The following IGSF10 variants were observed in gnomAD, a reference collection of about 807,000 sequenced individuals.
IGSF10 encodes the protein calvaria mechanical force protein 608.
In IGSF10, 126 loss-of-function variants were observed where a neutral mutation model predicts 128.2. The observed-to-expected ratio is 0.98, with a 90% CI of 0.85 to 1.14. IGSF10 has a LOEUF of 1.14. Among genes scored for constraint, IGSF10 ranks in the 50% most tolerant of loss-of-function variants. The pLI is 0.00. For synonymous variants in IGSF10, 1,185 were observed against 1,146.2 expected (o/e 1.03, Z -0.68); for missense variants, 3,295 against 3,149.8 (o/e 1.05, Z -1.10).
chr3:151,445,339 G>C lies in IGSF10; in HGVS notation c.4642C>G (p.His1548Asp), dbSNP rs747339132. 5.6e-6 allele frequency: 9 copies of C among 1,614,212 alleles called. No individual in the cohort carries two copies. The South Asian group carries it at 9.9e-5, about 18-fold the overall frequency. ...GTTAGTGCTGGCATGGGAGTAGAATGTAACAGATTAGAGTAGATGAAGTGA... is the reference window on the plus strand; with the variant it reads ...GTTAGTGCTGGCATGGGAGTAGAATCTAACAGATTAGAGTAGATGAAGTGA... ...TTHFIYSNLLHSTPMPALTTV... is the reference protein window; with the variant it reads ...TTHFIYSNLLDSTPMPALTTV... The change falls in exon 6 of 8, where the codon CAT (histidine) becomes GAT (aspartate). Residue 1548 changes from histidine to aspartate, a missense_variant. Transcript: ENST00000282466.
the IGSF10 span, among the ~76,000 whole-genome samples, chr3:151,544,590 C>A: frequency 6.6e-6 from 1 of 151,824 alleles, no homozygotes; most frequent in African/African-American, 2.4e-5. Context: ...ACCTACCCAC[C>A]CTGTTTTAGT....
the IGSF10 span, among the ~76,000 whole-genome samples, chr3:151,503,746 ACTCAG>A: frequency 6.6e-6 from 1 of 152,170 alleles, no homozygotes; most frequent in Non-Finnish European, 1.5e-5. Context: ...TTATTATTCA[ACTCAG>A]TCTCCTCAAA....
chr3:151,514,652 A>C, the IGSF10 span, among the ~76,000 whole-genome samples: 2 of 152,210 alleles, frequency 1.3e-5, no homozygotes, highest in Admixed American at 1.3e-4. Context: ...CTGCACAGCA[A>C]AAGAAACCAC....
chr3:151,442,106 T>A (rs1720892722), intron 7 of IGSF10, among the ~76,000 whole-genome samples: 1 of 152,138 alleles, frequency 6.6e-6, no homozygotes, highest in African/African-American at 2.4e-5. Flanking sequence ...AGAGAAAGTG[T>A]GTATTTGTAT....
chr3:151,566,979 A>G, the IGSF10 span, among the ~76,000 whole-genome samples: 1 of 152,194 alleles, frequency 6.6e-6, no homozygotes, highest in Admixed American at 6.5e-5. Context: ...TGATTGGACC[A>G]GGGACCAACA....
At chr3:151,599,596 A>C in the IGSF10 span, among the ~76,000 whole-genome samples, 3 of 152,136 alleles carry the variant, frequency 2.0e-5, no homozygotes, top group African/African-American at 7.2e-5. Flanking sequence ...AGCTTTTACA[A>C]ATTTTCAATG....
rs1423207197 is a variant in IGSF10 at position 151,453,748 on chromosome 3, G to C, written c.351C>G (p.Val117=). 6.3e-7 allele frequency: 1 copy of C among 1,576,840 alleles called. No individual in the cohort carries two copies. Among genetic ancestry groups the C allele is most frequent in the Non-Finnish European group, 8.6e-7 (1 of 1,159,168 alleles). The change falls in exon 5 of 8, where the codon GTC becomes GTG. Residue 117 remains valine (V), a synonymous_variant. Coordinates refer to ENST00000282466, the MANE Select transcript of IGSF10 (RefSeq NM_178822.5). ...LQVLKMSYNK[V]RKLQKDTFYG... ...AAAAAGTATCTTTCTGAAGTTTTCGGACTTTATTATAGCTCATTTTTAAGA... is the reference window on the plus strand; with the variant it reads ...AAAAAGTATCTTTCTGAAGTTTTCGCACTTTATTATAGCTCATTTTTAAGA...
the IGSF10 span, among the ~76,000 whole-genome samples, chr3:151,591,031 G>A: frequency 2.0e-5 from 3 of 152,208 alleles, no homozygotes; most frequent in Admixed American, 6.5e-5. Context: ...GGGAGGCTAC[G>A]TGTAGATTCT....
At chr3:151,561,992 T>C in the IGSF10 span, among the ~76,000 whole-genome samples, 2 of 152,184 alleles carry the variant, frequency 1.3e-5, no homozygotes, top group Non-Finnish European at 2.9e-5. Context: ...CAGAGGCGTT[T>C]GAACCAGAGC....
At chr3:151,567,252 G>C in the IGSF10 span, among the ~76,000 whole-genome samples, 2 of 152,210 alleles carry the variant, frequency 1.3e-5, no homozygotes, top group South Asian at 4.2e-4. Context: ...ATTCACCTCT[G>C]CTTCATTTTT....
rs942574864 is a variant in IGSF10, at chr3:151,446,800, C to T, written c.3181G>A (p.Val1061Met). ...CTGGGAAGACAGGACAGACATGTCA[C>T]ATTGAGCACTGTGGCTGAGAATGCA... ...TTAFSATVLN[V>M]TCLSCLPRER... Residue 1061 changes from valine (V) to methionine (M), a missense_variant, in exon 6 of 8, where the codon GTG becomes ATG. Coordinates refer to ENST00000282466, the MANE Select transcript of IGSF10 (RefSeq NM_178822.5). 2 of 1,614,110 alleles carry T rather than the reference C, an allele frequency of 1.2e-6. No individual in the cohort carries two copies. Among genetic ancestry groups the T allele is most frequent in the Non-Finnish European group, 1.7e-6 (2 of 1,180,006 alleles).
the IGSF10 span, among the ~76,000 whole-genome samples, chr3:151,541,067 G>A: frequency 2.0e-5 from 3 of 152,136 alleles, no homozygotes; most frequent in African/African-American, 7.2e-5. Flanking sequence ...TGTATAGTGT[G>A]TATGGAACAA....
the IGSF10 span, among the ~76,000 whole-genome samples, chr3:151,520,872 A>G: frequency 6.6e-6 from 1 of 151,916 alleles, no homozygotes; most frequent in Non-Finnish European, 1.5e-5. Flanking sequence ...AAATCCACAC[A>G]TATCAATACT....
chr3:151,436,833 C>T lies in IGSF10; in HGVS notation c.7728G>A (p.Glu2576=), dbSNP rs781362134. ...GAAGCTGCTCACTTCCATGTGTCCT[C>T]TCTTTACTTGCCGTTGAGAGAAGGG... ...DHSLLSTASK[E]RTHGSEQLHL... Residue 2576 remains glutamate (E), a synonymous_variant, in exon 8 of 8, where the codon GAG becomes GAA. Coordinates refer to ENST00000282466, the MANE Select transcript of IGSF10 (RefSeq NM_178822.5). The T allele has an allele frequency of 6.2e-7, 1 of 1,614,180 alleles. No homozygotes were observed. The highest frequency in any genetic ancestry group is 1.7e-5 in the Admixed American group (1 of 60,018).
the IGSF10 span, among the ~76,000 whole-genome samples, chr3:151,609,550 G>T: frequency 2.6e-5 from 4 of 151,898 alleles, no homozygotes; most frequent in African/African-American, 7.3e-5. Context: ...GCACTCATAT[G>T]CTCAGCACAG....
chr3:151,543,703 A>G, the IGSF10 span, among the ~76,000 whole-genome samples: 2 of 152,170 alleles, frequency 1.3e-5, no homozygotes, highest in Non-Finnish European at 2.9e-5. Flanking sequence ...CCAAGTATGA[A>G]CTTACACAAA....
At chr3:151,619,502 T>C in the IGSF10 span, among the ~76,000 whole-genome samples, 3 of 150,878 alleles carry the variant, frequency 2.0e-5, no homozygotes. Context: ...TTTGTGGTAA[T>C]AGACCAAAAT....
At chr3:151,551,029 G>C in the IGSF10 span, among the ~76,000 whole-genome samples, 1 of 152,128 alleles carries the variant, frequency 6.6e-6, no homozygotes, top group Non-Finnish European at 1.5e-5. Flanking sequence ...GCATGGTTCA[G>C]TGTGGCCCCT....
chr3:151,437,865 A>G lies in IGSF10; in HGVS notation c.6696T>C (p.Ser2232=). The part of the protein sequence containing the change: ...DTKMYKLDVV[S]KPPLINGLYT... The stretch of plus-strand genomic sequence containing the variant: ...ACAGACCATTGATTAATGGAGGTTT[A>G]GAGACCACATCCAGTTTGTACATTT... Residue 2232 remains serine, a synonymous_variant, in exon 8 of 8, where the codon TCT becomes TCC. Coordinates refer to ENST00000282466, the MANE Select transcript of IGSF10 (RefSeq NM_178822.5). 6.2e-7 allele frequency: 1 copy of G among 1,614,108 alleles called. No individual in the cohort carries two copies. Among genetic ancestry groups the G allele is most frequent in the Non-Finnish European group, 8.5e-7 (1 of 1,179,960 alleles).
Sources: gnomAD v4.1 joint callset for allele counts (sites outside exome capture counted in the v4.1 genomes callset) on GRCh38, gnomAD v4.1.1 for gene constraint, MANE v1.5 for transcripts, NCBI Gene and HGNC (gene_info 2026-07-23, HGNC 2026-07-21) for gene names.